The following GGTA1 variants were observed in gnomAD, a reference collection of about 807,000 sequenced individuals.
GGTA1 encodes glycoprotein alpha-galactosyltransferase 1 (inactive).
GGTA1 carries 5 observed loss-of-function variants against 2.6 expected under a neutral mutation model. That is an observed-to-expected ratio of 1.92 (90% CI 1.00 to 4.04). The LOEUF is 4.04. GGTA1 is among the 30% of genes most tolerant of loss of function. The probability of loss-of-function intolerance (pLI) is 0.00; values close to 1 mark genes in which losing one functional copy is unlikely to be tolerated. For synonymous variants in GGTA1, 17 were observed against 5.0 expected, an observed-to-expected ratio of 3.38 and a Z score of -3.19; for missense variants, 50 against 16.7, an observed-to-expected ratio of 2.99 and a Z score of -3.47.
chr9:121,456,652 G>A (rs754966259), intron 5 of GGTA1, among the ~76,000 whole-genome samples: 1 of 152,056 alleles, frequency 6.6e-6, no homozygotes. Context: ...CCGACCTCAG[G>A]TGATCCACCC....
chr9:121,499,752 CA>C lies in GGTA1; in HGVS notation c.-113del, dbSNP rs1369529402. ...CCGGCGAAGCCCTACGCGCTCTGAT[CA>C]GCCACCGCGCCGCCTCCGCCCGAGC... On this transcript the variant is annotated 5_prime_UTR_variant, in exon 1 of 6. Transcript: ENST00000481799. The C allele has an allele frequency of 6.6e-6, 1 of 152,034 alleles. No individual in the cohort carries two copies. Among genetic ancestry groups the C allele is most frequent in the Non-Finnish European group, 1.5e-5 (1 of 68,056 alleles). The allele number at this position is 152,034 out of a possible 1,614,324, so 9.4% of individuals were successfully genotyped here.
chr9:121,494,050 C>A (rs1047931085), intron 1 of GGTA1, among the ~76,000 whole-genome samples: 3 of 152,158 alleles, frequency 2.0e-5, no homozygotes, highest in African/African-American at 7.2e-5. Context: ...AACCACCGCA[C>A]CCAGCCGCTA....
chr9:121,471,000 C>CAAA (rs1005321960), intron 1 of GGTA1, among the ~76,000 whole-genome samples: 54 of 152,308 alleles, frequency 3.5e-4, no homozygotes, highest in African/African-American at 1.2e-3. Flanking sequence ...ACCCCTTGGG[C>CAAA]GGTTACAAGG....
intron 1 of GGTA1, among the ~76,000 whole-genome samples, chr9:121,477,573 CT>C (rs34446366): frequency 2.7e-3 from 279 of 101,468 alleles, no homozygotes; most frequent in African/African-American, 9.5e-3. Context: ...TGCAACCTTG[CT>C]TTTTTTTTTT....
chr9:121,471,153 T>C (rs1357492289), intron 1 of GGTA1, among the ~76,000 whole-genome samples: 6 of 152,188 alleles, frequency 3.9e-5, no homozygotes, highest in Non-Finnish European at 7.3e-5. Context: ...CTCTGGAAGC[T>C]AAGAGGAGAC....
chr9:121,473,940 G>GAA, intron 1 of GGTA1, among the ~76,000 whole-genome samples: 1 of 122,382 alleles, frequency 8.2e-6, no homozygotes, highest in Non-Finnish European at 1.7e-5. Context: ...AAAGAGAGAA[G>GAA]GAGAGAGAGA....
intron 1 of GGTA1, among the ~76,000 whole-genome samples, chr9:121,469,646 A>G (rs1453232245): frequency 1.3e-5 from 2 of 152,124 alleles, no homozygotes; most frequent in Admixed American, 6.6e-5. Context: ...TTTCTTGGCT[A>G]TATGTTATGA....
At chr9:121,454,173 A>G (rs1036275353), downstream of GGTA1, among the ~76,000 whole-genome samples, 1 of 152,190 alleles carries the variant, frequency 6.6e-6, no homozygotes, top group Non-Finnish European at 1.5e-5. Flanking sequence ...TCAGCACCCC[A>G]GGTACGCCTG....
chr9:121,451,387 G>A (rs990316390), downstream of GGTA1, among the ~76,000 whole-genome samples: 3 of 152,132 alleles, frequency 2.0e-5, no homozygotes, highest in African/African-American at 4.8e-5. Flanking sequence ...GGGTTTCACC[G>A]TGTTAGCTAG....
At chr9:121,456,518 AG>A (rs1453569614) in intron 5 of GGTA1, among the ~76,000 whole-genome samples, 1 of 152,058 alleles carries the variant, frequency 6.6e-6, no homozygotes, top group Non-Finnish European at 1.5e-5. Flanking sequence ...CCTGGGTTCA[AG>A]TGATTCTCCT....
At chr9:121,491,335 A>C (rs904464754) in intron 1 of GGTA1, among the ~76,000 whole-genome samples, 1 of 152,140 alleles carries the variant, frequency 6.6e-6, no homozygotes, top group African/African-American at 2.4e-5. Flanking sequence ...GCCAGCCCCA[A>C]CATCACCCTT....
At chr9:121,496,395 T>C (rs1427248449) in intron 1 of GGTA1, among the ~76,000 whole-genome samples, 1 of 152,092 alleles carries the variant, frequency 6.6e-6, no homozygotes, top group African/African-American at 2.4e-5. Context: ...CTGCCCTGAC[T>C]CATGTTATTT....
chr9:121,468,146 T>A (rs1185181553), intron 1 of GGTA1, among the ~76,000 whole-genome samples: 2 of 152,206 alleles, frequency 1.3e-5, no homozygotes, highest in African/African-American at 4.8e-5. Context: ...ATTAGGTATT[T>A]CTCCTAATGA....
At chr9:121,488,972 T>G (rs1387431738) in intron 1 of GGTA1, among the ~76,000 whole-genome samples, 1 of 152,098 alleles carries the variant, frequency 6.6e-6, no homozygotes, top group Non-Finnish European at 1.5e-5. Context: ...GGGTCACTAT[T>G]TAGGGATGAC....
chr9:121,498,584 G>A (rs79117757), intron 1 of GGTA1, among the ~76,000 whole-genome samples: 10,947 of 152,268 alleles, frequency 0.072, 450 homozygotes, highest in Middle Eastern at 0.1. Context: ...TGGGAAGGTG[G>A]TTCCTTACTG....
At position 121,488,125 on chromosome 9, in the gene GGTA1, A is replaced by ATGTGTG. The variant is rs34747249; in HGVS notation, c.-10+11519_-10+11524dup. 2.3e-3 allele frequency among the ~76,000 whole-genome samples: 340 copies of ATGTGTG among 150,930 alleles called. 7 individuals carry two copies. The highest frequency in any genetic ancestry group is 3.9e-3 in the East Asian group (20 of 5,076). On this transcript the variant is annotated intron_variant, in intron 1 of 5. Coordinates refer to ENST00000481799, the MANE Select transcript of GGTA1 (RefSeq NM_001382585.1). ...TGTGTGTGTGTGCGTGTGTGCGTGC[A>ATGTGTG]TGTGTGTGTGTGTGTGTTTAAAGTT...
chr9:121,496,507 G>T (rs1828995335), intron 1 of GGTA1, among the ~76,000 whole-genome samples: 1 of 151,936 alleles, frequency 6.6e-6, no homozygotes, highest in South Asian at 2.1e-4. Context: ...GAGGTGGTCA[G>T]ATCACAAGGT....
At chr9:121,470,686 C>T (rs4837861) in intron 1 of GGTA1, among the ~76,000 whole-genome samples, 78,752 of 152,086 alleles carry the variant, frequency 0.52, 20,990 homozygotes, top group South Asian at 0.66. Flanking sequence ...CATTCCTGGG[C>T]GTAGGCTTAA....
At chr9:121,445,671 C>G (rs982090862) in exon 8 of GGTA1, 1 of 152,188 alleles carries the variant, frequency 6.6e-6, no homozygotes. Context: ...ACTAGATCTT[C>G]CATTGTTATG....
Sources: allele counts gnomAD v4.1 joint callset (sites outside exome capture counted in the v4.1 genomes callset), GRCh38; gene constraint gnomAD v4.1.1; transcripts MANE v1.5; gene names NCBI Gene and HGNC (gene_info 2026-07-23, HGNC 2026-07-21).